Variants in SDK1 observed in about 807,000 individuals in gnomAD.
SDK1 encodes sidekick cell adhesion molecule 1.
In SDK1, 157 loss-of-function variants were observed where a neutral mutation model predicts 245.5. The ratio of observed to expected loss-of-function variants is 0.64; its 90% confidence interval spans 0.56 to 0.73. The LOEUF (loss-of-function observed/expected upper bound fraction) is 0.73. Ranked by LOEUF, SDK1 falls within the 30% of genes least tolerant of loss-of-function variation. The probability of loss-of-function intolerance (pLI) is 0.00; values close to 1 mark genes in which losing one functional copy is unlikely to be tolerated. For missense variants in SDK1, 3,583 were observed against 3,002.3 expected, an observed-to-expected ratio of 1.19 and a Z score of -4.52; for synonymous variants, 1,647 against 1,278.5, an observed-to-expected ratio of 1.29 and a Z score of -6.15.
intron 17 of SDK1, among the ~76,000 whole-genome samples, chr7:4,040,819 G>C (rs530675856): frequency 6.6e-6 from 1 of 152,276 alleles, no homozygotes; most frequent in African/African-American, 2.4e-5. Context: ...TGTACACGTG[G>C]TGACAAAGAA....
Position 3,724,840 on chromosome 7 carries a change from TTTCCACCACCC to T in SDK1, c.713+82743_713+82753del, listed in dbSNP as rs1437784967. Among the ~76,000 whole-genome samples, 47 of 152,312 alleles carry T rather than the reference TTTCCACCACCC, an allele frequency of 3.1e-4. 1 individual carries two copies. The highest frequency in any genetic ancestry group is 1.1e-3 in the African/African-American group (44 of 41,574). On this transcript the variant is annotated intron_variant, in intron 4 of 44. Coordinates refer to ENST00000404826, the MANE Select transcript of SDK1 (RefSeq NM_152744.4). ...CCTGGCCCAGAAGCATCCCATGTCA[TTTCCACCACCC>T]TTCCACCGAAGAGAACTTGTCACAT...
chr7:3,644,022 C>A (rs1320157161), intron 4 of SDK1, among the ~76,000 whole-genome samples: 1 of 151,270 alleles, frequency 6.6e-6, no homozygotes, highest in Non-Finnish European at 1.5e-5. Context: ...CCTGCCTCAG[C>A]CTCCTGAGTA....
chr7:4,039,569 T>A (rs987028316), intron 17 of SDK1, among the ~76,000 whole-genome samples: 2 of 152,216 alleles, frequency 1.3e-5, no homozygotes, highest in African/African-American at 4.8e-5. Context: ...ATATTGACAT[T>A]CCTTTTTATT....
At chr7:3,593,605 C>T (rs553228927) in intron 1 of SDK1, among the ~76,000 whole-genome samples, 1 of 152,234 alleles carries the variant, frequency 6.6e-6, no homozygotes, top group Non-Finnish European at 1.5e-5. Context: ...GATAGGCACC[C>T]ATGCTTACTG....
intron 1 of SDK1, among the ~76,000 whole-genome samples, chr7:3,321,746 C>G (rs192958242): frequency 1.1e-5 from 1 of 89,734 alleles, no homozygotes; most frequent in Non-Finnish European, 2.1e-5. Context: ...CCCCTCCCCC[C>G]TCCTTCCCCT....
chr7:3,909,182 G>A (rs1043317742), intron 5 of SDK1, among the ~76,000 whole-genome samples: 2 of 152,220 alleles, frequency 1.3e-5, no homozygotes, highest in African/African-American at 4.8e-5. Flanking sequence ...TTCAGACGCA[G>A]TGAGACCCTC....
chr7:4,174,189 T>A (rs1384315932), intron 32 of SDK1, 33 bp from the exon 33 acceptor site: 4 of 1,612,346 alleles, frequency 2.5e-6, no homozygotes, highest in Non-Finnish European at 3.4e-6. Context: ...TTGACTCCCA[T>A]GGTGTGGCTG....
rs1197854770 is a variant in SDK1 at position 4,058,710 on chromosome 7, G to GA, written c.2911+6887dup. Among the ~76,000 whole-genome samples, 8 of 152,134 alleles carry GA rather than the reference G, an allele frequency of 5.3e-5. No individual in the cohort carries two copies. In the South Asian group the frequency reaches 1.2e-3, roughly 24 times the overall value. ...GGGATGATATATTCAAAGTACTGGG[G>GA]AAAAAAATAACTTGTTAGCCAAGAG... On this transcript the variant is annotated intron_variant, in intron 19 of 44. Transcript: ENST00000404826.
At chr7:3,733,903 C>G (rs898942890) in intron 4 of SDK1, among the ~76,000 whole-genome samples, 6 of 150,940 alleles carry the variant, frequency 4.0e-5, no homozygotes, top group Admixed American at 4.0e-4. Flanking sequence ...GTTCTGGAGT[C>G]TGCCCAGAGC....
At chr7:3,779,513 C>T (rs192574319) in intron 4 of SDK1, among the ~76,000 whole-genome samples, 1 of 151,592 alleles carries the variant, frequency 6.6e-6, no homozygotes, top group Non-Finnish European at 1.5e-5. Flanking sequence ...TATATTTAAA[C>T]ATCGGTGATT....
intron 5 of SDK1, among the ~76,000 whole-genome samples, chr7:3,833,923 T>G (rs1779972207): frequency 6.6e-6 from 1 of 152,198 alleles, no homozygotes; most frequent in Admixed American, 6.5e-5. Flanking sequence ...AGGATGGATA[T>G]TAAGCCATGT....
intron 1 of SDK1, among the ~76,000 whole-genome samples, chr7:3,507,110 C>G (rs1782419109): frequency 6.6e-6 from 1 of 152,160 alleles, no homozygotes; most frequent in African/African-American, 2.4e-5. Context: ...GGTACCTGGT[C>G]TTCTAGGGTG....
chr7:4,197,346 G>C (rs1379550888), intron 35 of SDK1, among the ~76,000 whole-genome samples: 1 of 152,056 alleles, frequency 6.6e-6, no homozygotes, highest in African/African-American at 2.4e-5. Flanking sequence ...CAATTAGATG[G>C]GTATAGTGAT....
intron 44 of SDK1, among the ~76,000 whole-genome samples, chr7:4,248,938 T>C (rs957561436): frequency 4.8e-5 from 7 of 147,146 alleles, no homozygotes; most frequent in Non-Finnish European, 7.4e-5. Context: ...TGTACATACA[T>C]GCACAACACA....
intron 4 of SDK1, among the ~76,000 whole-genome samples, chr7:3,690,311 T>C (rs946563602): frequency 9.9e-5 from 15 of 151,788 alleles, no homozygotes; most frequent in African/African-American, 3.6e-4. Flanking sequence ...ATGATATTGA[T>C]TTTTTTTTAC....
chr7:3,753,332 A>G (rs747375060), intron 4 of SDK1, among the ~76,000 whole-genome samples: 35 of 152,354 alleles, frequency 2.3e-4, no homozygotes, highest in Admixed American at 7.2e-4. Flanking sequence ...CTATCAAGAA[A>G]AAGCTAAAAA....
At chr7:3,541,662 T>A (rs1779055960) in intron 1 of SDK1, among the ~76,000 whole-genome samples, 1 of 152,216 alleles carries the variant, frequency 6.6e-6, no homozygotes, top group Non-Finnish European at 1.5e-5. Context: ...ACTGTGTATA[T>A]CCTAAAGTCC....
At chr7:3,688,756 G>A (rs549149667) in intron 4 of SDK1, among the ~76,000 whole-genome samples, 2 of 152,112 alleles carry the variant, frequency 1.3e-5, no homozygotes, top group Admixed American at 6.5e-5. Context: ...ATACTACAGC[G>A]GCTGAAAGCA....
chr7:4,212,484 C>T (rs543149685), intron 38 of SDK1, among the ~76,000 whole-genome samples: 2 of 152,160 alleles, frequency 1.3e-5, no homozygotes, highest in Non-Finnish European at 2.9e-5. Context: ...GAGATGTGGG[C>T]ATGGTTTTTG....
Sources: gnomAD v4.1 joint callset for allele counts (sites outside exome capture counted in the v4.1 genomes callset) on GRCh38, gnomAD v4.1.1 for gene constraint, MANE v1.5 for transcripts, NCBI Gene and HGNC (gene_info 2026-07-23, HGNC 2026-07-21) for gene names.